Variants in TRIM44 observed in about 807,000 individuals in gnomAD.
TRIM44 encodes the protein tripartite motif-containing protein 44.
In TRIM44, 13 loss-of-function variants were observed where a neutral mutation model predicts 37.4. The observed-to-expected ratio is 0.35, with a 90% CI of 0.23 to 0.55. TRIM44 has a LOEUF of 0.55. Ranked by LOEUF, TRIM44 falls within the 20% of genes least tolerant of loss-of-function variation. The pLI is 0.89. For synonymous variants in TRIM44, 175 were observed against 157.2 expected (o/e 1.11, Z -0.85); for missense variants, 426 against 437.2 (o/e 0.97, Z 0.23).
At chr11:35,791,912 G>T (rs1422209198) in intron 4 of TRIM44, among the ~76,000 whole-genome samples, 2 of 152,162 alleles carry the variant, frequency 1.3e-5, no homozygotes, top group Non-Finnish European at 2.9e-5. Context: ...TGAAAGAATA[G>T]CCACTGACTT....
chr11:35,669,112 C>G (rs946423751), intron 1 of TRIM44, among the ~76,000 whole-genome samples: 1 of 152,084 alleles, frequency 6.6e-6, no homozygotes, highest in Non-Finnish European at 1.5e-5. Flanking sequence ...TGTAGCTTCT[C>G]ATTGCCTTTT....
intron 2 of TRIM44, among the ~76,000 whole-genome samples, chr11:35,707,412 A>G (rs1851901172): frequency 6.6e-6 from 1 of 152,320 alleles, no homozygotes; most frequent in African/African-American, 2.4e-5. Flanking sequence ...GGAAAAAACT[A>G]CTTTAAAGTT....
At chr11:35,714,831 T>C (rs1446756473) in intron 2 of TRIM44, among the ~76,000 whole-genome samples, 2 of 152,202 alleles carry the variant, frequency 1.3e-5, no homozygotes, top group Non-Finnish European at 2.9e-5. Flanking sequence ...TTCTAGTTTA[T>C]GCATAGGCTA....
At chr11:35,776,408 G>C (rs908832219) in intron 4 of TRIM44, among the ~76,000 whole-genome samples, 1 of 152,140 alleles carries the variant, frequency 6.6e-6, no homozygotes, top group Non-Finnish European at 1.5e-5. Flanking sequence ...CAAAAAACCA[G>C]CTCCTGGATT....
chr11:35,681,693 T>A (rs906034425), intron 1 of TRIM44, among the ~76,000 whole-genome samples: 5 of 152,198 alleles, frequency 3.3e-5, no homozygotes, highest in South Asian at 4.1e-4. Flanking sequence ...TTTCTTACTA[T>A]CCTGGTTCAC....
intron 2 of TRIM44, among the ~76,000 whole-genome samples, chr11:35,696,787 C>T (rs895071785): frequency 2.3e-4 from 35 of 150,954 alleles, no homozygotes; most frequent in East Asian, 5.9e-4. Context: ...GCGGAGGTTG[C>T]GGTGAGCCGA....
chr11:35,792,111 A>ACACACACACACACACACACT (rs796092540), intron 4 of TRIM44, among the ~76,000 whole-genome samples: 90 of 114,334 alleles, frequency 7.9e-4, no homozygotes, highest in Admixed American at 3.2e-3. Flanking sequence ...ACACACACAC[A>ACACACACACACACACACACT]CTCTCTCTCA....
At chr11:35,666,015 T>C (rs1167598749) in intron 1 of TRIM44, among the ~76,000 whole-genome samples, 1 of 152,228 alleles carries the variant, frequency 6.6e-6, no homozygotes, top group African/African-American at 2.4e-5. Context: ...GTAAAACTTA[T>C]CAATACTTTT....
intron 4 of TRIM44, among the ~76,000 whole-genome samples, chr11:35,751,434 A>G (rs969101409): frequency 2.0e-5 from 3 of 152,182 alleles, no homozygotes; most frequent in African/African-American, 7.2e-5. Context: ...TGCCAGATGG[A>G]TTATACACTA....
intron 3 of TRIM44, among the ~76,000 whole-genome samples, chr11:35,734,470 C>T (rs1288542960): frequency 6.6e-6 from 1 of 152,138 alleles, no homozygotes; most frequent in Non-Finnish European, 1.5e-5. Context: ...CTTGAGAGCT[C>T]ATTCTGCCTT....
intron 4 of TRIM44, among the ~76,000 whole-genome samples, chr11:35,769,977 A>G (rs1324634938): frequency 6.6e-6 from 1 of 152,160 alleles, no homozygotes; most frequent in East Asian, 1.9e-4. Context: ...ATATTGCATG[A>G]TGCTGAGGTA....
At chr11:35,757,034 G>T (rs1029228102) in intron 4 of TRIM44, among the ~76,000 whole-genome samples, 5 of 152,202 alleles carry the variant, frequency 3.3e-5, no homozygotes, top group African/African-American at 9.7e-5. Context: ...ATGAGTTAGG[G>T]AGGATTCCCT....
intron 2 of TRIM44, among the ~76,000 whole-genome samples, chr11:35,694,534 C>G (rs926993667): frequency 4.0e-5 from 6 of 151,434 alleles, no homozygotes; most frequent in Non-Finnish European, 5.9e-5. Context: ...TAAGTGCACA[C>G]AACAGACCCC....
Position 35,725,996 on chromosome 11 carries a change from G to A in TRIM44, c.820G>A (p.Glu274Lys). The change falls in exon 3 of 5, where the codon GAG becomes AAG. Residue 274 changes from glutamate (E) to lysine (K), a missense_variant. Coordinates refer to ENST00000299413, the MANE Select transcript of TRIM44 (RefSeq NM_017583.6). ...KKVQKVIADE[E>K]QKALHLVDIQ... ...AGTTCAGAAAGTGATTGCTGATGAG[G>A]AGCAGAAGGCCCTTCATCTAGTGGA... 1 of 1,614,082 alleles carries A rather than the reference G, an allele frequency of 6.2e-7. No individual in the cohort carries two copies. The highest frequency in any genetic ancestry group is 8.5e-7 in the Non-Finnish European group (1 of 1,180,014).
intron 2 of TRIM44, among the ~76,000 whole-genome samples, chr11:35,717,911 G>A (rs1415823757): frequency 6.6e-6 from 1 of 151,874 alleles, no homozygotes; most frequent in Admixed American, 6.6e-5. Context: ...ATAGATTTTA[G>A]ACTCTTGAAG....
chr11:35,735,587 T>G, intron 4 of TRIM44, 142 bp downstream of exon 4: 2 of 833,996 alleles, frequency 2.4e-6, no homozygotes, highest in Non-Finnish European at 3.9e-6. Flanking sequence ...TTGAAGATCT[T>G]ATTTTGTAAG....
At chr11:35,696,503 G>A (rs1210505080) in intron 2 of TRIM44, among the ~76,000 whole-genome samples, 2 of 151,790 alleles carry the variant, frequency 1.3e-5, no homozygotes, top group Non-Finnish European at 2.9e-5. Context: ...TTAACTTTCC[G>A]AATCATCTGT....
chr11:35,812,026 T>A lies in TRIM44; in HGVS notation c.*5641T>A, dbSNP rs144601650. 2.0e-5 allele frequency: 3 copies of A among 152,148 alleles called. No homozygotes were observed. Among genetic ancestry groups the A allele is most frequent in the Admixed American group, 6.5e-5 (1 of 15,278 alleles). The allele number at this position is 152,148 out of a possible 1,614,324, so 9.4% of individuals were successfully genotyped here. A position where few individuals can be genotyped will look rare whatever the true frequency, so the allele number is the denominator to read the frequency against. On this transcript the variant is annotated 3_prime_UTR_variant, in exon 5 of 5. Transcript: ENST00000299413. ...TGCCTGCCACTGTAGCACTTAGGAGTCTTCAGTGTTTTAACAAACCACAAT... is the reference window on the plus strand; with the variant it reads ...TGCCTGCCACTGTAGCACTTAGGAGACTTCAGTGTTTTAACAAACCACAAT...
rs115620324 is a variant in TRIM44 at position 35,682,783 on chromosome 11, G to C, written c.670-2476G>C. Among the ~76,000 whole-genome samples, 1,258 of 152,228 alleles carry C rather than the reference G, an allele frequency of 8.3e-3. 16 individuals carry two copies. Among genetic ancestry groups the C allele is most frequent in the African/African-American group, 0.028 (1,169 of 41,526 alleles). On this transcript the variant is annotated intron_variant, in intron 1 of 4. Coordinates refer to ENST00000299413, the MANE Select transcript of TRIM44 (RefSeq NM_017583.6). ...TGAATTTTTATGAAAGAAGGCTAAG[G>C]GTTCCCTTATTCATCCACACGAGGC...
Sources: gnomAD v4.1 joint callset for allele counts (sites outside exome capture counted in the v4.1 genomes callset) on GRCh38, gnomAD v4.1.1 for gene constraint, MANE v1.5 for transcripts, NCBI Gene and HGNC (gene_info 2026-07-23, HGNC 2026-07-21) for gene names.